The following CCDC82 variants were observed in gnomAD, a reference collection of about 807,000 sequenced individuals.
The protein encoded by CCDC82 is coiled-coil domain containing 82, also known as coiled-coil domain-containing protein 82.
In CCDC82, 47 loss-of-function variants were observed where a neutral mutation model predicts 60.6. The observed-to-expected ratio is 0.77, with a 90% CI of 0.61 to 0.99. The LOEUF (loss-of-function observed/expected upper bound fraction) is 0.99. CCDC82 is among the 50% of genes least tolerant of loss of function. The pLI is 0.00. For synonymous variants in CCDC82, 212 were observed against 207.4 expected, an observed-to-expected ratio of 1.02 and a Z score of -0.19; for missense variants, 588 against 633.0, an observed-to-expected ratio of 0.93 and a Z score of 0.76.
At chr11:96,373,760 C>A (rs759828927) in intron 5 of CCDC82, among the ~76,000 whole-genome samples, 8 of 152,124 alleles carry the variant, frequency 5.3e-5, no homozygotes. Context: ...TAAAAATTAT[C>A]CCTTGCACAC....
intron 7 of CCDC82, among the ~76,000 whole-genome samples, chr11:96,368,272 G>T (rs966639841): frequency 6.6e-6 from 1 of 152,150 alleles, no homozygotes; most frequent in African/African-American, 2.4e-5. Context: ...CACTGTCAAT[G>T]AGGAATAATA....
intron 7 of CCDC82, among the ~76,000 whole-genome samples, chr11:96,369,404 A>T (rs1014801757): frequency 2.6e-5 from 4 of 152,220 alleles, no homozygotes; most frequent in Non-Finnish European, 5.9e-5. Flanking sequence ...TTAGATTTAA[A>T]GTGAGAGACC....
intron 9 of CCDC82, chr11:96,357,036 G>T: frequency 2.0e-6 from 2 of 985,456 alleles, no homozygotes; most frequent in Non-Finnish European, 2.4e-6. Flanking sequence ...ATTCTAAAGG[G>T]TTAGAGTAAC....
At chr11:96,371,531 G>A (rs1048600796) in intron 6 of CCDC82, among the ~76,000 whole-genome samples, 16 of 152,226 alleles carry the variant, frequency 1.1e-4, no homozygotes, top group African/African-American at 1.7e-4. Context: ...ATAGTGAGCT[G>A]AGATCGCACC....
intron 7 of CCDC82, among the ~76,000 whole-genome samples, chr11:96,366,556 T>C (rs1336779366): frequency 1.3e-5 from 2 of 152,186 alleles, no homozygotes. Flanking sequence ...GTTACTTTAT[T>C]TTTCTGAGAC....
At chr11:96,377,570 T>C (rs886962400) in intron 5 of CCDC82, among the ~76,000 whole-genome samples, 1 of 152,160 alleles carries the variant, frequency 6.6e-6, no homozygotes, top group Admixed American at 6.5e-5. Flanking sequence ...CTATTACTAA[T>C]TTTTTAACAA....
intron 9 of CCDC82, chr11:96,358,377 T>A: frequency 8.2e-7 from 1 of 1,222,078 alleles, no homozygotes; most frequent in Non-Finnish European, 1.0e-6. Context: ...GGGAATCCAG[T>A]GCACTCTTCA....
intron 6 of CCDC82, among the ~76,000 whole-genome samples, chr11:96,372,655 TATAA>T (rs1453086500): frequency 6.9e-6 from 1 of 145,628 alleles, no homozygotes; most frequent in Non-Finnish European, 1.5e-5. Context: ...TATATATAAA[TATAA>T]ATATATATAA....
chr11:96,367,349 C>G (rs1052939885), intron 7 of CCDC82, among the ~76,000 whole-genome samples: 1 of 152,226 alleles, frequency 6.6e-6, no homozygotes, highest in African/African-American at 2.4e-5. Context: ...TCAATCCTCT[C>G]AAACCCTGAC....
chr11:96,354,752 TATC>T (rs1330202346), intron 9 of CCDC82: 3 of 152,212 alleles, frequency 2.0e-5, no homozygotes, highest in Admixed American at 6.5e-5. Context: ...GAGGGAAAGA[TATC>T]ATGATTTCAG....
chr11:96,388,302 A>T (rs1425532979), intron 1 of CCDC82: 2 of 152,236 alleles, frequency 1.3e-5, no homozygotes, highest in Non-Finnish European at 2.9e-5. Context: ...CATGCAAATG[A>T]ATGTTACTTC....
intron 9 of CCDC82, chr11:96,357,968 T>C (rs1864433070): frequency 1.0e-6 from 1 of 985,360 alleles, no homozygotes; most frequent in Non-Finnish European, 1.2e-6. Context: ...GGGTGGTGGT[T>C]TGTGGTGGGA....
At chr11:96,354,827 C>T (rs1184398973) in intron 9 of CCDC82, 1 of 152,124 alleles carries the variant, frequency 6.6e-6, no homozygotes, top group Non-Finnish European at 1.5e-5. Context: ...ATACTAGTTT[C>T]TTGACTCTGT....
chr11:96,369,049 C>T (rs1865114695), intron 7 of CCDC82, among the ~76,000 whole-genome samples: 1 of 152,200 alleles, frequency 6.6e-6, no homozygotes, highest in East Asian at 1.9e-4. Context: ...TTTCTTTAAA[C>T]CTCATAAATT....
intron 7 of CCDC82, among the ~76,000 whole-genome samples, chr11:96,365,601 A>C (rs1864903474): frequency 6.6e-6 from 1 of 152,214 alleles, no homozygotes; most frequent in Non-Finnish European, 1.5e-5. Context: ...TATTCCAGAA[A>C]TAATTCAATC....
chr11:96,382,282 C>T (rs1361135532), intron 5 of CCDC82: 1 of 151,734 alleles, frequency 6.6e-6, no homozygotes, highest in Non-Finnish European at 1.5e-5. Flanking sequence ...ACAAAGTAAG[C>T]CTGTCAGTTC....
At chr11:96,370,405 T>C (rs1382703870) in intron 7 of CCDC82, among the ~76,000 whole-genome samples, 3 of 152,204 alleles carry the variant, frequency 2.0e-5, no homozygotes, top group Non-Finnish European at 2.9e-5. Flanking sequence ...GCAAATCTTA[T>C]AAATTAAAAA....
chr11:96,373,382 T>C lies in CCDC82; in HGVS notation c.1077A>G (p.Thr359=). The C allele has an allele frequency of 4.4e-6, 7 of 1,593,428 alleles. No individual in the cohort carries two copies. The highest frequency in any genetic ancestry group is 6.0e-6 in the Non-Finnish European group (7 of 1,164,304). The change falls in exon 6 of 10, where the codon ACA becomes ACG. Residue 359 remains threonine (T), a synonymous_variant. Coordinates refer to ENST00000646818, the MANE Select transcript of CCDC82 (RefSeq NM_024725.4). ...TTCATAGTATTAACTTACCATATAA[T>C]GTTCCCAGAAAAGATTCATCTAAAG... ...INALDESFLG[T]LYDGTRQKSY... is the part of the protein sequence containing the mutation.
At chr11:96,375,018 G>C (rs368042075) in intron 5 of CCDC82, among the ~76,000 whole-genome samples, 3 of 144,790 alleles carry the variant, frequency 2.1e-5, no homozygotes, top group Non-Finnish European at 4.6e-5. Flanking sequence ...AATAGAATTT[G>C]ACTAGACTGT....
Sources: allele counts gnomAD v4.1 joint callset (sites outside exome capture counted in the v4.1 genomes callset), GRCh38; gene constraint gnomAD v4.1.1; transcripts MANE v1.5; gene names NCBI Gene and HGNC (gene_info 2026-07-23, HGNC 2026-07-21).